The following JMJD1C variants were observed in gnomAD, a reference collection of about 807,000 sequenced individuals.
The protein encoded by JMJD1C is jumonji domain-containing protein 1C.
JMJD1C carries 31 observed loss-of-function variants against 245.3 expected under a neutral mutation model. That is an observed-to-expected ratio of 0.13 (90% CI 0.09 to 0.17). JMJD1C has a LOEUF of 0.17. Ranked by LOEUF, JMJD1C falls within the 10% of genes least tolerant of loss-of-function variation. JMJD1C has a pLI of 1.00. For synonymous variants in JMJD1C, 1,057 were observed against 1,017.4 expected (o/e 1.04, Z -0.74); for missense variants, 2,691 against 3,000.2 (o/e 0.90, Z 2.41).
At chr10:63,343,762 G>A (rs1045412528) in intron 2 of JMJD1C, among the ~76,000 whole-genome samples, 1 of 152,166 alleles carries the variant, frequency 6.6e-6, no homozygotes, top group Non-Finnish European at 1.5e-5. Flanking sequence ...AGTGGGCCAG[G>A]CGTAATGGCT....
Position 63,285,777 on chromosome 10 carries a change from G to A in JMJD1C, c.334-21013C>T, listed in dbSNP as rs1165841141. ...GAGCTATGATCACACCACTGCACTC[G>A]AGACTGGGCAACACTGTGGGACCCT... is the stretch of plus-strand genomic sequence containing the variant. On this transcript the variant is annotated intron_variant, in intron 2 of 25. Transcript: ENST00000399262. Among the ~76,000 whole-genome samples the A allele has an allele frequency of 5.9e-5, 9 of 152,216 alleles. No homozygotes were observed. The South Asian group carries it at 8.3e-4, about 14-fold the overall frequency.
At chr10:63,282,624 A>T (rs1857538723) in intron 2 of JMJD1C, among the ~76,000 whole-genome samples, 1 of 152,258 alleles carries the variant, frequency 6.6e-6, no homozygotes, top group South Asian at 2.1e-4. Flanking sequence ...TTATATTTTT[A>T]AAATGTACAG....
chr10:63,285,442 G>A (rs1701179555), intron 2 of JMJD1C, among the ~76,000 whole-genome samples: 1 of 152,128 alleles, frequency 6.6e-6, no homozygotes, highest in African/African-American at 2.4e-5. Context: ...CTTGCCCTCT[G>A]AGTCCATAAA....
chr10:63,454,791 C>T (rs117172638), intron 1 of JMJD1C, among the ~76,000 whole-genome samples: 166 of 152,338 alleles, frequency 1.1e-3, no homozygotes, highest in East Asian at 3.3e-3. Flanking sequence ...AAGCACAGCT[C>T]TGTAATTCCC....
At chr10:63,502,134 G>A (rs762242279) in intron 1 of JMJD1C, among the ~76,000 whole-genome samples, 5 of 152,106 alleles carry the variant, frequency 3.3e-5, no homozygotes, top group African/African-American at 1.2e-4. Flanking sequence ...GCAAGAAAAT[G>A]GAATGCATGA....
chr10:63,434,333 G>A (rs1461104397), intron 1 of JMJD1C, among the ~76,000 whole-genome samples: 1 of 152,170 alleles, frequency 6.6e-6, no homozygotes, highest in Non-Finnish European at 1.5e-5. Context: ...CAATGGACTA[G>A]GTTATGGGAA....
chr10:63,511,982 C>A (rs1293866533), intron 1 of JMJD1C, among the ~76,000 whole-genome samples: 1 of 152,160 alleles, frequency 6.6e-6, no homozygotes, highest in Non-Finnish European at 1.5e-5. Flanking sequence ...TAAACACTTA[C>A]AACTCATTCA....
chr10:63,515,680 A>C (rs1954994734), intron 1 of JMJD1C, among the ~76,000 whole-genome samples: 1 of 152,214 alleles, frequency 6.6e-6, no homozygotes, highest in Non-Finnish European at 1.5e-5. Context: ...TGAGGAATCT[A>C]AGAAGTGTTG....
chr10:63,451,368 T>C (rs1318658041), intron 1 of JMJD1C, among the ~76,000 whole-genome samples: 4 of 152,158 alleles, frequency 2.6e-5, no homozygotes, highest in Admixed American at 2.6e-4. Flanking sequence ...CTTCCTGATT[T>C]CAAACTTACT....
chr10:63,267,900 T>C (rs891131728), intron 2 of JMJD1C, among the ~76,000 whole-genome samples: 1 of 152,128 alleles, frequency 6.6e-6, no homozygotes, highest in African/African-American at 2.4e-5. Flanking sequence ...GGCTCCATGC[T>C]GCACCACATT....
At chr10:63,319,788 A>G (rs997910423) in intron 2 of JMJD1C, among the ~76,000 whole-genome samples, 1 of 152,088 alleles carries the variant, frequency 6.6e-6, no homozygotes, top group African/African-American at 2.4e-5. Context: ...TCTCCACGAC[A>G]GAGTCTCGCT....
At chr10:63,213,184 CA>C (rs1353771228) in intron 8 of JMJD1C, among the ~76,000 whole-genome samples, 457 of 55,910 alleles carry the variant, frequency 8.2e-3, no homozygotes, top group African/African-American at 0.019. Context: ...GACTCCATCT[CA>C]AAAAAAAAAA....
chr10:63,365,203 C>T (rs1945734488), intron 2 of JMJD1C, among the ~76,000 whole-genome samples: 3 of 152,168 alleles, frequency 2.0e-5, no homozygotes, highest in African/African-American at 4.8e-5. Flanking sequence ...TTTTCCTTAG[C>T]CAAGCCAGGC....
intron 1 of JMJD1C, among the ~76,000 whole-genome samples, chr10:63,400,616 G>A (rs867285221): frequency 6.6e-6 from 1 of 151,896 alleles, no homozygotes; most frequent in Non-Finnish European, 1.5e-5. Flanking sequence ...AAACTGGAGT[G>A]CCATGGCACA....
intron 3 of JMJD1C, among the ~76,000 whole-genome samples, chr10:63,228,501 A>T (rs182332896): frequency 6.6e-6 from 1 of 152,282 alleles, no homozygotes; most frequent in Admixed American, 6.5e-5. Flanking sequence ...ACCCTGGGTG[A>T]CAGAGGGAGA....
At chr10:63,450,921 GA>G (rs71025179) in intron 1 of JMJD1C, among the ~76,000 whole-genome samples, 110,582 of 137,514 alleles carry the variant, frequency 0.8, 46,890 homozygotes, top group Non-Finnish European at 0.94. Context: ...CACACACACA[GA>G]AAAAAAAAAA....
At chr10:63,305,825 T>C (rs1031911599) in intron 2 of JMJD1C, among the ~76,000 whole-genome samples, 3 of 152,102 alleles carry the variant, frequency 2.0e-5, no homozygotes, top group Non-Finnish European at 4.4e-5. Flanking sequence ...CTTGAACTCC[T>C]GGGCTCAAGT....
intron 3 of JMJD1C, chr10:63,222,274 C>T (rs1413579422): frequency 4.4e-6 from 4 of 902,168 alleles, no homozygotes; most frequent in South Asian, 1.3e-5. Flanking sequence ...GGAGAGCTGT[C>T]GAGATTGGTG....
rs1215196183 is a variant in JMJD1C at position 63,214,639 on chromosome 10, T to C, written c.1528A>G (p.Ile510Val). ...VSRPPTPKCV[I>V]DITNDTNLEK... ...AAATTAGTGTCATTTGTAATATCAA[T>C]AACACATTTTGGTGTGGGTGGTCTG... Residue 510 changes from isoleucine to valine, a missense_variant, in exon 8 of 26, where the codon ATT becomes GTT. This residue lies in a region of JMJD1C where 1,562 missense variants were observed against 1,490.7 expected (regional missense o/e 1.05). Transcript: ENST00000399262. The C allele has an allele frequency of 3.1e-6, 5 of 1,614,032 alleles. No homozygotes were observed. Among genetic ancestry groups the C allele is most frequent in the Admixed American group, 3.3e-5 (2 of 60,012 alleles).
Sources: allele counts gnomAD v4.1 joint callset (sites outside exome capture counted in the v4.1 genomes callset), GRCh38; gene constraint gnomAD v4.1.1; regional missense constraint gnomAD v4.1.1; transcripts MANE v1.5; gene names NCBI Gene and HGNC (gene_info 2026-07-23, HGNC 2026-07-21).